The following GLS2 variants were observed in gnomAD, a reference collection of about 807,000 sequenced individuals.
GLS2 encodes glutaminase liver isoform, mitochondrial.
GLS2 carries 52 observed loss-of-function variants against 79.0 expected under a neutral mutation model. That is an observed-to-expected ratio of 0.66 (90% confidence interval 0.53 to 0.83). The LOEUF (loss-of-function observed/expected upper bound fraction) is 0.83, where lower values mean the gene tolerates loss of function less well. GLS2 is among the 40% of genes least tolerant of loss of function. GLS2 has a pLI of 0.00. For missense variants in GLS2, 561 were observed against 764.8 expected (o/e 0.73, Z 3.14); for synonymous variants, 238 against 280.8 (o/e 0.85, Z 1.52).
rs561273127 is a variant in GLS2 at position 56,474,178 on chromosome 12, T to C, written c.1224+366A>G. On this transcript the variant is annotated intron_variant, in intron 12 of 17. Coordinates refer to ENST00000311966, the MANE Select transcript of GLS2 (RefSeq NM_013267.4). ...CACAATCTCGGCTCAGTGCAACCTCTGCCTCCCAGGTTCAAGCACTTCTGC... is the reference window on the plus strand; with the variant it reads ...CACAATCTCGGCTCAGTGCAACCTCCGCCTCCCAGGTTCAAGCACTTCTGC... The C allele has an allele frequency of 4.7e-4, 126 of 270,440 alleles. 1 individual carries two copies. The highest frequency in any genetic ancestry group is 2.7e-3 in the African/African-American group (120 of 43,674). The allele number at this position is 270,440 out of a possible 1,614,324, so 16.8% of individuals were successfully genotyped here.
At chr12:56,475,021 C>G (rs778336292) in intron 10 of GLS2, 23 bp downstream of exon 10, 3 of 1,613,942 alleles carry the variant, frequency 1.9e-6, no homozygotes, top group Non-Finnish European at 1.7e-6. Flanking sequence ...CAGGGACTTT[C>G]TCTTCCGGCC....
chr12:56,479,011 G>T lies in GLS2; in HGVS notation c.534+41C>A, dbSNP rs202245908. 1.9e-5 allele frequency: 30 copies of T among 1,550,168 alleles called. No homozygotes were observed. The Middle Eastern group carries it at 7.9e-4, about 41-fold the overall frequency. Reference sequence around the variant, plus strand: ...GAAAAAAAAAAAAAAAAAAAATCTGGCCCAGGTCCCTGACCCCTCCCTTAG... The same window carrying T: ...GAAAAAAAAAAAAAAAAAAAATCTGTCCCAGGTCCCTGACCCCTCCCTTAG... On this transcript the variant is annotated intron_variant, in intron 4 of 17. Coordinates refer to ENST00000311966, the MANE Select transcript of GLS2 (RefSeq NM_013267.4).
intron 7 of GLS2, chr12:56,477,014 C>T (rs1249516664): frequency 6.6e-6 from 1 of 152,252 alleles, no homozygotes; most frequent in African/African-American, 2.4e-5. Context: ...TTTCCTCACC[C>T]AGACTCATTG....
Position 56,487,944 on chromosome 12 carries a change from G to T in GLS2, c.175C>A (p.Gln59Lys). ...CTGTCCCAGGAGCCTTACTGATCCT[G>T]GTGCTGCGGCTGGTGGCTGTGTGGC... is the stretch of plus-strand genomic sequence containing the variant. Reference protein sequence around the residue: ...ETPHSHQPQHQDHDSSESGML... With the variant: ...ETPHSHQPQHKDHDSSESGML... Residue 59 changes from glutamine to lysine, a missense_variant, in exon 1 of 18, where the codon CAG (glutamine) becomes AAG (lysine). Around this residue, in one of 4 missense-constraint regions of GLS2, gnomAD observed 161 missense variants for 167.8 expected, o/e 0.96. Coordinates refer to ENST00000311966, the MANE Select transcript of GLS2 (RefSeq NM_013267.4). The T allele has an allele frequency of 6.2e-7, 1 of 1,603,078 alleles. No homozygotes were observed. Among genetic ancestry groups the T allele is most frequent in the Non-Finnish European group, 8.5e-7 (1 of 1,179,644 alleles).
rs890474051 is a variant in GLS2, at chr12:56,475,433, T to C, written c.929+191A>G. The C allele has an allele frequency of 3.1e-5, 22 of 711,738 alleles. 1 individual carries two copies. The Admixed American group carries it at 3.5e-4, about 11-fold the overall frequency. 44.1% of individuals were successfully genotyped at this position (711,738 alleles called of 1,614,324 possible). ...ACTGCCTCTCTCATTATGTACTAAT[T>C]AGAAATGGAACAAATTATTTTACAA... On this transcript the variant is annotated intron_variant, in intron 9 of 17. Coordinates refer to ENST00000311966, the MANE Select transcript of GLS2 (RefSeq NM_013267.4).
chr12:56,474,635 T>C lies in GLS2; in HGVS notation c.1133A>G (p.Glu378Gly). Residue 378 changes from glutamate (E) to glycine (G), a missense_variant, in exon 12 of 18, where the codon GAG becomes GGG. This residue lies in a region of GLS2 where 221 missense variants were observed against 275.6 expected (regional missense o/e 0.80). Coordinates refer to ENST00000311966, the MANE Select transcript of GLS2 (RefSeq NM_013267.4). The stretch of plus-strand genomic sequence containing the variant: ...CACTGCTTCAGCACTCAGCACACTC[T>C]CGCCTGTGATGGGGCAGATCCCACC... ...ANGGICPITG[E>G]SVLSAEAVRN... The C allele has an allele frequency of 6.2e-7, 1 of 1,614,156 alleles. No individual in the cohort carries two copies. Among genetic ancestry groups the C allele is most frequent in the Non-Finnish European group, 8.5e-7 (1 of 1,180,006 alleles).
chr12:56,474,736 A>G lies in GLS2; in HGVS notation c.1048-16T>C. 2 of 1,608,668 alleles carry G rather than the reference A, an allele frequency of 1.2e-6. No homozygotes were observed. The highest frequency in any genetic ancestry group is 1.7e-6 in the Non-Finnish European group (2 of 1,176,438). The stretch of plus-strand genomic sequence containing the variant: ...CAGAACACAGCTATGAAAACAAAGA[A>G]TAGGTGAAGATGTGACGTGAACCTG... On this transcript the variant is annotated splice_polypyrimidine_tract_variant and intron_variant, in intron 11 of 17. Coordinates refer to ENST00000311966, the MANE Select transcript of GLS2 (RefSeq NM_013267.4).
intron 15 of GLS2, 30 bp downstream of exon 15, chr12:56,472,660 A>T: frequency 2.5e-6 from 4 of 1,600,116 alleles, no homozygotes; most frequent in Non-Finnish European, 3.4e-6. Flanking sequence ...GGAGTATTTT[A>T]TTGTGTATAT....
chr12:56,485,021 A>G (rs74091907), intron 1 of GLS2, among the ~76,000 whole-genome samples: 1,670 of 152,318 alleles, frequency 0.011, 32 homozygotes, highest in African/African-American at 0.038. Flanking sequence ...GACTGGTTAT[A>G]TAAACTATGA....
chr12:56,479,579 T>G (rs1870121492), intron 3 of GLS2: 2 of 574,848 alleles, frequency 3.5e-6, no homozygotes, highest in Non-Finnish European at 2.7e-6. Context: ...AGGACAGGGA[T>G]TGAGTAGGGA....
In GLS2 at chr12:56,480,331, A is replaced by G; in HGVS notation, c.239T>C (p.Ile80Thr). 2 of 1,614,140 alleles carry G rather than the reference A, an allele frequency of 1.2e-6. No homozygotes were observed. The highest frequency in any genetic ancestry group is 1.7e-6 in the Non-Finnish European group (2 of 1,180,010). ...AGGGATTCGTTCCTGTCCTTCAGCA[A>G]TAGTGTAAAAGAGCAAATCACCCAG... The part of the protein sequence containing the change: ...SRLGDLLFYT[I>T]AEGQERIPIH... The change falls in exon 2 of 18, where the codon ATT (isoleucine) becomes ACT (threonine). Residue 80 changes from isoleucine (I) to threonine (T), a missense_variant. Transcript: ENST00000311966.
Position 56,478,759 on chromosome 12 carries a change from G to A in GLS2, c.534+293C>T, listed in dbSNP as rs960352365. On this transcript the variant is annotated intron_variant, in intron 4 of 17. Coordinates refer to ENST00000311966, the MANE Select transcript of GLS2 (RefSeq NM_013267.4). Reference sequence around the variant, plus strand: ...TGTAATCCCAGCACTTTGGGAGGCCGAGGTGGGTGGATCACTTGAGATCAG... The same window carrying A: ...TGTAATCCCAGCACTTTGGGAGGCCAAGGTGGGTGGATCACTTGAGATCAG... 12 of 299,134 alleles carry A rather than the reference G, an allele frequency of 4.0e-5. No individual in the cohort carries two copies. The South Asian group carries it at 5.0e-4, about 13-fold the overall frequency. 18.5% of individuals were successfully genotyped at this position (299,134 alleles called of 1,614,324 possible).
intron 14 of GLS2, 130 bp from the exon 15 acceptor site, chr12:56,472,881 TA>T: frequency 1.5e-6 from 1 of 660,848 alleles, no homozygotes; most frequent in Non-Finnish European, 2.5e-6. Context: ...TACTCTGAAA[TA>T]TTCTTTTTTT....
At chr12:56,481,995 C>T (rs150779621) in intron 1 of GLS2, among the ~76,000 whole-genome samples, 153 of 152,240 alleles carry the variant, frequency 1.0e-3, no homozygotes, top group African/African-American at 3.4e-3. Flanking sequence ...CTTTGGGAGG[C>T]CAAGGCGGGC....
chr12:56,478,724 G>A (rs1041059074), intron 4 of GLS2: 1 of 275,458 alleles, frequency 3.6e-6, no homozygotes, highest in Non-Finnish European at 6.9e-6. Flanking sequence ...TAGGTGTGGT[G>A]GCTCATGCCT....
chr12:56,488,090 G>C lies in GLS2; in HGVS notation c.29C>G (p.Ala10Gly). The C allele has an allele frequency of 6.4e-7, 1 of 1,564,918 alleles. No individual in the cohort carries two copies. The highest frequency in any genetic ancestry group is 1.4e-5 in the African/African-American group (1 of 74,058). MRSMKALQK[A>G]LSRAGSHCGR... ...GCAGTGACTGCCAGCCCGGCTCAGG[G>C]CCTTCTGCAGAGCCTTCATGGAGCG... is the stretch of plus-strand genomic sequence containing the variant. Residue 10 changes from alanine to glycine, a missense_variant, in exon 1 of 18, where the codon GCC (alanine) becomes GGC (glycine). This residue lies in a region of GLS2 where 161 missense variants were observed against 167.8 expected (regional missense o/e 0.96). Coordinates refer to ENST00000311966, the MANE Select transcript of GLS2 (RefSeq NM_013267.4).
At chr12:56,479,595 A>G in intron 3 of GLS2, 185 bp downstream of exon 3, 1 of 670,012 alleles carries the variant, frequency 1.5e-6, no homozygotes, top group Non-Finnish European at 2.2e-6. Context: ...AGGGAGGGAA[A>G]GGAGAACATG....
At chr12:56,484,514 G>T (rs1047970773) in intron 1 of GLS2, among the ~76,000 whole-genome samples, 1 of 152,168 alleles carries the variant, frequency 6.6e-6, no homozygotes, top group African/African-American at 2.4e-5. Context: ...AATACCAGAA[G>T]AGTTTTCCTG....
intron 16 of GLS2, 105 bp from the exon 17 acceptor site, chr12:56,471,941 T>C: frequency 7.4e-7 from 1 of 1,350,398 alleles, no homozygotes; most frequent in Non-Finnish European, 1.1e-6. Context: ...GGAAAAGGCC[T>C]CTTCCCATTT....
Sources: gnomAD v4.1 joint callset for allele counts (sites outside exome capture counted in the v4.1 genomes callset) on GRCh38, gnomAD v4.1.1 for gene constraint, gnomAD v4.1.1 regional missense constraint, MANE v1.5 for transcripts, NCBI Gene and HGNC (gene_info 2026-07-23, HGNC 2026-07-21) for gene names.